The following PFKFB3 variants were observed in gnomAD, a reference collection of about 807,000 sequenced individuals.
PFKFB3 encodes 6-phosphofructo-2-kinase/fructose-2,6-biphosphatase 3.
A neutral mutation model predicts 68.0 loss-of-function variants in PFKFB3; 33 were observed. That is an observed-to-expected ratio of 0.49 (90% confidence interval 0.37 to 0.65). PFKFB3 has a LOEUF of 0.65. Among genes scored for constraint, PFKFB3 ranks in the 30% least tolerant of loss-of-function variants. The pLI, the probability that PFKFB3 is intolerant of heterozygous loss-of-function variation, is 0.00. For missense variants in PFKFB3, 586 were observed against 712.2 expected, an observed-to-expected ratio of 0.82 and a Z score of 2.02; for synonymous variants, 315 against 288.2, an observed-to-expected ratio of 1.09 and a Z score of -0.94.
chr10:6,224,632 C>A (rs764845206), intron 13 of PFKFB3: 3 of 354,218 alleles, frequency 8.5e-6, no homozygotes, highest in Admixed American at 4.0e-5. Flanking sequence ...AGGTGCGCAC[C>A]ACCATGCCCA....
Position 6,203,198 on chromosome 10 carries a change from C to A in PFKFB3, c.-63C>A, listed in dbSNP as rs1359315359. On this transcript the variant is annotated 5_prime_UTR_variant, in exon 1 of 15. Transcript: ENST00000379775. ...CTCCTTTGTTCCGGGGGTCGGCGGC[C>A]GCTCTCCTGCCAGCGTCGGGATCTC... The A allele has an allele frequency of 2.5e-6, 4 of 1,577,914 alleles. No individual in the cohort carries two copies. In the Admixed American group the frequency reaches 7.3e-5, roughly 29 times the overall value.
chr10:6,220,602 G>A lies in PFKFB3; in HGVS notation c.624-56G>A, dbSNP rs1844884623. On this transcript the variant is annotated intron_variant, in intron 7 of 14. Transcript: ENST00000379775. This position sits in a 1 kb window ranked among gnomAD's most constrained non-coding sequence, Gnocchi z 4.1. Reference sequence around the variant, plus strand: ...TCACATCTTCGGAGACGGGCCAGGTGCATCCTGCTGTGGGTGGTGGCCTGA... The same window carrying A: ...TCACATCTTCGGAGACGGGCCAGGTACATCCTGCTGTGGGTGGTGGCCTGA... 1.3e-6 allele frequency: 2 copies of A among 1,507,750 alleles called. No homozygotes were observed. The highest frequency in any genetic ancestry group is 2.7e-5 in the African/African-American group (2 of 72,910). 93.4% of individuals were successfully genotyped at this position (1,507,750 alleles called of 1,614,324 possible). A position where few individuals can be genotyped will look rare whatever the true frequency, so the allele number is the denominator to read the frequency against.
chr10:6,154,073 C>A lies in PFKFB3; in HGVS notation c.16+9060C>A, dbSNP rs1158141574. On this transcript the variant is annotated intron_variant, in intron 1 of 14. Transcript: ENST00000379789. The surrounding 1 kb of genome is among the most constrained non-coding windows in gnomAD (Gnocchi z 4.6). Reference sequence around the variant, plus strand: ...CCAGAGCGGCTGAGTGCAGGAGGAACCTGCGGGCCAGCACCGCTTCTGCAG... The same window carrying A: ...CCAGAGCGGCTGAGTGCAGGAGGAAACTGCGGGCCAGCACCGCTTCTGCAG... 6.6e-6 allele frequency among the ~76,000 whole-genome samples: 1 copy of A among 152,088 alleles called. No individual in the cohort carries two copies. The highest frequency in any genetic ancestry group is 2.4e-5 in the African/African-American group (1 of 41,426).
Position 6,215,327 on chromosome 10 carries a change from GGCCGCGGGCGT to G in PFKFB3, c.299+11_299+21del. On this transcript the variant is annotated intron_variant, in intron 3 of 14. Transcript: ENST00000379775. The surrounding 1 kb of genome is among the most constrained non-coding windows in gnomAD (Gnocchi z 4.3). ...CCATGAAAGTCCGGAAGTAAGGCTG[GGCCGCGGGCGT>G]AGGGCTGGGCTGTGGGAATAAGGCT... 2 of 1,606,654 alleles carry G rather than the reference GGCCGCGGGCGT, an allele frequency of 1.2e-6. No homozygotes were observed.
chr10:6,241,183 C>G (rs533009615), intron 14 of PFKFB3, among the ~76,000 whole-genome samples: 2 of 152,054 alleles, frequency 1.3e-5, no homozygotes, highest in African/African-American at 4.8e-5. Flanking sequence ...GGGATTACAG[C>G]TGTGAGCCAC....
chr10:6,198,263 AAAAAG>A (rs1268260480), upstream of PFKFB3, among the ~76,000 whole-genome samples: 9 of 150,936 alleles, frequency 6.0e-5, no homozygotes, highest in East Asian at 3.9e-4. Flanking sequence ...AAAAAAAAAG[AAAAAG>A]AAAAGAAAAG....
chr10:6,209,379 T>C (rs1330399056), intron 1 of PFKFB3, among the ~76,000 whole-genome samples: 1 of 152,188 alleles, frequency 6.6e-6, no homozygotes, highest in Non-Finnish European at 1.5e-5. Flanking sequence ...TCAAAAACTT[T>C]AGGTGTGTGA....
intron 13 of PFKFB3, 44 bp from the exon 14 acceptor site, chr10:6,226,148 T>C (rs769480647): frequency 6.7e-7 from 1 of 1,502,154 alleles, no homozygotes; most frequent in Admixed American, 2.3e-5. Context: ...CCTCCCCTTC[T>C]TTGTAACTGT....
intron 1 of PFKFB3, among the ~76,000 whole-genome samples, chr10:6,189,920 A>AT (rs1377739779): frequency 2.6e-5 from 4 of 151,958 alleles, no homozygotes; most frequent in Admixed American, 1.3e-4. Context: ...GTGGGGAGAT[A>AT]TTTTGAGTCT....
At chr10:6,325,982 C>T in the PFKFB3 span, among the ~76,000 whole-genome samples, 7 of 152,300 alleles carry the variant, frequency 4.6e-5, no homozygotes, top group African/African-American at 1.4e-4. Context: ...CATAATACCA[C>T]GTTCAAGAGG....
chr10:6,253,869 C>T (rs536648406), intron 14 of PFKFB3, among the ~76,000 whole-genome samples: 13 of 152,134 alleles, frequency 8.5e-5, no homozygotes, highest in East Asian at 1.9e-4. Context: ...TGGCGAACCC[C>T]GTCTCTACTA....
In PFKFB3 at chr10:6,228,149, T is replaced by G. The variant is rs765213130; in HGVS notation, c.1515+1784T>G. 1.2e-6 allele frequency: 2 copies of G among 1,611,598 alleles called. No homozygotes were observed. The highest frequency in any genetic ancestry group is 2.2e-5 in the South Asian group (2 of 91,070). ...TTTTCAGGGCTTCGTCCCTGCAGAT[T>G]GCGCCCTGCCTCCTGACTGACTTCT... On this transcript the variant is annotated intron_variant, in intron 14 of 14. Coordinates refer to ENST00000379775, the MANE Select transcript of PFKFB3 (RefSeq NM_004566.4). The surrounding 1 kb of genome is among the most constrained non-coding windows in gnomAD (Gnocchi z 4.5).
chr10:6,165,675 C>G (rs79842688), intron 1 of PFKFB3, among the ~76,000 whole-genome samples: 1,651 of 152,240 alleles, frequency 0.011, 70 homozygotes, highest in East Asian at 0.1. Context: ...TGCCTTTTCT[C>G]GATGCGTCTA....
rs1841712530 is a variant in PFKFB3 at position 6,154,740 on chromosome 10, G to A, written c.16+9727G>A. Among the ~76,000 whole-genome samples, 1 of 152,194 alleles carries A rather than the reference G, an allele frequency of 6.6e-6. No individual in the cohort carries two copies. Among genetic ancestry groups the A allele is most frequent in the African/African-American group, 2.4e-5 (1 of 41,452 alleles). ...TTAGGAGGCAGAGGCGGCGGGATTT[G>A]ATGGATTTGCTGTGGGGTGAGAGAG... On this transcript the variant is annotated intron_variant, in intron 1 of 14. Coordinates refer to the PFKFB3 transcript ENST00000379789. This position sits in a 1 kb window ranked among gnomAD's most constrained non-coding sequence, Gnocchi z 4.6.
rs76536056 is a variant in PFKFB3 at position 6,209,369 on chromosome 10, T to C, written c.77-4254T>C. Reference sequence around the variant, plus strand: ...TAAACACATTTAAGTTTCACAACTTTCAAAAACTTTAGGTGTGTGAAAAAG... The same window carrying C: ...TAAACACATTTAAGTTTCACAACTTCCAAAAACTTTAGGTGTGTGAAAAAG... On this transcript the variant is annotated intron_variant, in intron 1 of 14. Coordinates refer to ENST00000379775, the MANE Select transcript of PFKFB3 (RefSeq NM_004566.4). Among the ~76,000 whole-genome samples the C allele has an allele frequency of 9.1e-3, 1,384 of 152,328 alleles. 31 individuals are homozygous for C. Among genetic ancestry groups the C allele is most frequent in the East Asian group, 0.084 (435 of 5,194 alleles).
intron 6 of PFKFB3, 58 bp downstream of exon 6, chr10:6,217,249 A>T: frequency 6.9e-7 from 1 of 1,441,320 alleles, no homozygotes; most frequent in Non-Finnish European, 9.8e-7. Context: ...GGGCATTTGC[A>T]GTCTGAGGAA....
chr10:6,246,578 G>A (rs1846266615), intron 14 of PFKFB3, among the ~76,000 whole-genome samples: 1 of 152,014 alleles, frequency 6.6e-6, no homozygotes, highest in South Asian at 2.1e-4. Context: ...CTGACCTCAG[G>A]TGATCCGCCC....
At chr10:6,243,343 A>G (rs558646240) in intron 14 of PFKFB3, among the ~76,000 whole-genome samples, 1 of 152,320 alleles carries the variant, frequency 6.6e-6, no homozygotes, top group East Asian at 1.9e-4. Context: ...AACCAAGACT[A>G]TCTTTACTTA....
Position 6,233,156 on chromosome 10 carries a change from T to C in PFKFB3, c.*214T>C. On this transcript the variant is annotated 3_prime_UTR_variant, in exon 15 of 15. Transcript: ENST00000379775. ...CCACGTGGGTCCCTGGCGCCCTGCCTTTAGCCGTGGGGCCCCCACCTCCAC... is the reference window on the plus strand; with the variant it reads ...CCACGTGGGTCCCTGGCGCCCTGCCCTTAGCCGTGGGGCCCCCACCTCCAC... 1 of 545,926 alleles carries C rather than the reference T, an allele frequency of 1.8e-6. No homozygotes were observed. The highest frequency in any genetic ancestry group is 3.3e-6 in the Non-Finnish European group (1 of 304,656). The allele number at this position is 545,926 out of a possible 1,614,324, so 33.8% of individuals were successfully genotyped here. A position where few individuals can be genotyped will look rare whatever the true frequency, so the allele number is the denominator to read the frequency against.
Sources: gnomAD v4.1 joint callset for allele counts (sites outside exome capture counted in the v4.1 genomes callset) on GRCh38, gnomAD v4.1.1 for gene constraint, Gnocchi (gnomAD v3.1) non-coding constraint, MANE v1.5 for transcripts, NCBI Gene and HGNC (gene_info 2026-07-23, HGNC 2026-07-21) for gene names.